SLC4A4: variants seen among roughly 807,000 people sequenced by gnomAD.
The protein encoded by SLC4A4 is solute carrier family 4 member 4, also known as electrogenic sodium bicarbonate cotransporter 1.
A neutral mutation model predicts 111.5 loss-of-function variants in SLC4A4; 27 were observed. The observed-to-expected ratio is 0.24, with a 90% CI of 0.18 to 0.33. The LOEUF (loss-of-function observed/expected upper bound fraction) is 0.33. Ranked by LOEUF, SLC4A4 falls within the 10% of genes least tolerant of loss-of-function variation. The probability of loss-of-function intolerance (pLI) is 1.00; values close to 1 mark genes in which losing one functional copy is unlikely to be tolerated. For synonymous variants in SLC4A4, 443 were observed against 463.4 expected (o/e 0.96, Z 0.57); for missense variants, 909 against 1,315.5 (o/e 0.69, Z 4.78).
chr4:71,323,836 T>A (rs997809813), intron 3 of SLC4A4, among the ~76,000 whole-genome samples: 1 of 151,920 alleles, frequency 6.6e-6, no homozygotes, highest in East Asian at 1.9e-4. Context: ...TGTGTTGTTT[T>A]GGCATCCCCA....
At chr4:71,209,510 A>G (rs1322634105) in intron 1 of SLC4A4, among the ~76,000 whole-genome samples, 2 of 152,252 alleles carry the variant, frequency 1.3e-5, no homozygotes, top group East Asian at 3.8e-4. Flanking sequence ...TGCAGCTAAT[A>G]AAGATGTATC....
At chr4:71,386,903 C>CA (rs1315580625) in intron 6 of SLC4A4, among the ~76,000 whole-genome samples, 7 of 152,252 alleles carry the variant, frequency 4.6e-5, no homozygotes, top group African/African-American at 1.7e-4. Flanking sequence ...TTAATGTAAG[C>CA]AGGAGGCATA....
chr4:71,163,503 G>A (rs570748055), intron 2 of SLC4A4, among the ~76,000 whole-genome samples: 1 of 152,286 alleles, frequency 6.6e-6, no homozygotes, highest in African/African-American at 2.4e-5. Flanking sequence ...TATGATAAGT[G>A]ACTTATCTCA....
chr4:71,380,756 T>A (rs1718060911), intron 6 of SLC4A4, among the ~76,000 whole-genome samples: 1 of 152,128 alleles, frequency 6.6e-6, no homozygotes, highest in African/African-American at 2.4e-5. Flanking sequence ...GGTTTGAACT[T>A]GGGGGTTTAG....
At chr4:71,329,775 G>T (rs980269379) in intron 3 of SLC4A4, among the ~76,000 whole-genome samples, 1 of 151,966 alleles carries the variant, frequency 6.6e-6, no homozygotes, top group Non-Finnish European at 1.5e-5. Context: ...GTTAATTTGA[G>T]TTCCTTCTTT....
At chr4:71,422,431 C>A (rs1296899942) in intron 7 of SLC4A4, among the ~76,000 whole-genome samples, 3 of 150,022 alleles carry the variant, frequency 2.0e-5, no homozygotes, top group Admixed American at 6.6e-5. Flanking sequence ...GGTACCATTC[C>A]TTCTGAAACT....
At chr4:71,409,836 A>C (rs1721199064) in intron 7 of SLC4A4, among the ~76,000 whole-genome samples, 1 of 152,172 alleles carries the variant, frequency 6.6e-6, no homozygotes. Context: ...TTCGTGGGCC[A>C]CACCCGGGGT....
intron 2 of SLC4A4, among the ~76,000 whole-genome samples, chr4:71,110,076 C>T (rs1027132912): frequency 2.6e-5 from 4 of 152,170 alleles, no homozygotes; most frequent in Admixed American, 6.5e-5. Flanking sequence ...CAATAGACTA[C>T]AGAGTTCCAA....
intron 4 of SLC4A4, among the ~76,000 whole-genome samples, chr4:71,340,461 T>A (rs1234554681): frequency 6.6e-6 from 1 of 152,196 alleles, no homozygotes; most frequent in Non-Finnish European, 1.5e-5. Context: ...GTGCCTAATT[T>A]ACAAATTAAA....
chr4:71,502,894 T>C (rs1321518990), intron 16 of SLC4A4, among the ~76,000 whole-genome samples: 1 of 152,212 alleles, frequency 6.6e-6, no homozygotes, highest in Non-Finnish European at 1.5e-5. Flanking sequence ...TGATTTTCTG[T>C]ATAGATGATC....
rs532199805 is a variant in SLC4A4 at position 71,466,793 on chromosome 4, C to G, written c.1631+216C>G. 2.0e-5 allele frequency among the ~76,000 whole-genome samples: 3 copies of G among 152,134 alleles called. No homozygotes were observed. The South Asian group carries it at 6.2e-4, about 31-fold the overall frequency. The stretch of plus-strand genomic sequence containing the variant: ...GGCTCTTATGTTGTGTGTATCCTTG[C>G]TCCCTTCCCACTTACTCTCTTTCCC... On this transcript the variant is annotated intron_variant, in intron 13 of 25. Transcript: ENST00000264485.
chr4:71,197,794 C>A (rs1241260903), intron 1 of SLC4A4, among the ~76,000 whole-genome samples: 1 of 152,074 alleles, frequency 6.6e-6, no homozygotes, highest in East Asian at 1.9e-4. Flanking sequence ...ATTTATTAAT[C>A]ACTGATTATA....
At chr4:71,550,203 C>G (rs976950332) in intron 20 of SLC4A4, among the ~76,000 whole-genome samples, 2 of 151,942 alleles carry the variant, frequency 1.3e-5, no homozygotes, top group Admixed American at 1.3e-4. Context: ...GCATACTGTA[C>G]ACAACCTATA....
chr4:71,301,067 C>G lies in SLC4A4; in HGVS notation c.254-38303C>G, dbSNP rs546644793. 1.0e-5 allele frequency: 4 copies of G among 393,106 alleles called. No homozygotes were observed. In the East Asian group the frequency reaches 2.8e-4, roughly 28 times the overall value. 24.4% of individuals were successfully genotyped at this position (393,106 alleles called of 1,614,324 possible). On this transcript the variant is annotated intron_variant, in intron 3 of 25. Transcript: ENST00000264485. ...GTGCTTAACAGTAGCTTGGTCAACTCAGCTCCACAGCTGAGGAGGGCTGGA... is the reference window on the plus strand; with the variant it reads ...GTGCTTAACAGTAGCTTGGTCAACTGAGCTCCACAGCTGAGGAGGGCTGGA...
At chr4:71,504,283 C>T (rs1407268292) in intron 16 of SLC4A4, among the ~76,000 whole-genome samples, 1 of 152,124 alleles carries the variant, frequency 6.6e-6, no homozygotes, top group South Asian at 2.1e-4. Flanking sequence ...CACTGTCACA[C>T]ATATAATGCA....
At chr4:71,148,432 C>T (rs1224411522) in intron 2 of SLC4A4, among the ~76,000 whole-genome samples, 1 of 152,080 alleles carries the variant, frequency 6.6e-6, no homozygotes, top group Non-Finnish European at 1.5e-5. Context: ...GGTACATGTG[C>T]AAGTTTGTTA....
chr4:71,150,369 A>G (rs547697090), intron 2 of SLC4A4, among the ~76,000 whole-genome samples: 2 of 152,210 alleles, frequency 1.3e-5, no homozygotes, highest in African/African-American at 4.8e-5. Flanking sequence ...ATAAATGGAG[A>G]TGGTCTGCAA....
chr4:71,426,709 A>C (rs1052356980), intron 7 of SLC4A4, among the ~76,000 whole-genome samples: 1 of 152,146 alleles, frequency 6.6e-6, no homozygotes, highest in African/African-American at 2.4e-5. Flanking sequence ...TTTTAACCTA[A>C]GAAAAATATA....
intron 3 of SLC4A4, chr4:71,300,329 G>C: frequency 4.5e-6 from 1 of 222,762 alleles, no homozygotes; most frequent in South Asian, 8.3e-5. Context: ...AGGTGGCTGT[G>C]AGCTGCAGCC....
Sources: allele counts gnomAD v4.1 joint callset (sites outside exome capture counted in the v4.1 genomes callset), GRCh38; gene constraint gnomAD v4.1.1; transcripts MANE v1.5; gene names NCBI Gene and HGNC (gene_info 2026-07-23, HGNC 2026-07-21).